The following MTO1 variants were observed in gnomAD, a reference collection of about 807,000 sequenced individuals.
MTO1 encodes mitochondrial tRNA translation optimization 1, also known as 5-taurinomethyluridine-[tRNA] synthase subunit MTO1, mitochondrial.
In MTO1, 46 loss-of-function variants were observed where a neutral mutation model predicts 71.6. That is an observed-to-expected ratio of 0.64 (90% confidence interval 0.51 to 0.82). The LOEUF is 0.82. MTO1 is among the 40% of genes least tolerant of loss of function. The pLI, the probability that MTO1 is intolerant of heterozygous loss-of-function variation, is 0.00. For synonymous variants in MTO1, 297 were observed against 312.1 expected (o/e 0.95, Z 0.51); for missense variants, 773 against 867.5 (o/e 0.89, Z 1.37).
chr6:73,498,320 T>G (rs547288288), intron 11 of MTO1, among the ~76,000 whole-genome samples: 1 of 151,860 alleles, frequency 6.6e-6, no homozygotes, highest in Admixed American at 6.6e-5. Context: ...TAACTGGAAG[T>G]CAAGAATTGG....
intron 1 of MTO1, 181 bp downstream of exon 1, chr6:73,462,252 T>G: frequency 4.6e-6 from 3 of 652,830 alleles, no homozygotes; most frequent in South Asian, 1.9e-5. Flanking sequence ...GAACTCTATA[T>G]TAGTCTATTC....
intron 4 of MTO1, among the ~76,000 whole-genome samples, chr6:73,476,500 A>G (rs544298388): frequency 6.6e-6 from 1 of 152,142 alleles, no homozygotes; most frequent in Non-Finnish European, 1.5e-5. Context: ...TTCTCAATGT[A>G]AGAGTTTTTT....
At chr6:73,500,107 C>G (rs966625460) in intron 11 of MTO1, among the ~76,000 whole-genome samples, 1 of 152,142 alleles carries the variant, frequency 6.6e-6, no homozygotes, top group Non-Finnish European at 1.5e-5. Flanking sequence ...TCAAGTGATC[C>G]TCCCACCTTT....
At chr6:73,482,937 G>A (rs186189492) in intron 9 of MTO1, among the ~76,000 whole-genome samples, 1,612 of 151,644 alleles carry the variant, frequency 0.011, 25 homozygotes, top group African/African-American at 0.037. Flanking sequence ...GACTACAGGC[G>A]CCTGCCACCG....
chr6:73,466,397 C>G lies in MTO1; in HGVS notation c.406C>G (p.Gln136Glu). The G allele has an allele frequency of 1.2e-6, 2 of 1,614,092 alleles. No homozygotes were observed. Among genetic ancestry groups the G allele is most frequent in the East Asian group, 4.5e-5 (2 of 44,892 alleles). Residue 136 changes from glutamine to glutamate, a missense_variant, in exon 2 of 12, where the codon CAG (glutamine) becomes GAG (glutamate). Physicochemically the swap from Gln to Glu is conservative, Grantham distance 29. Transcript: ENST00000498286. ...RAQIDRKLYK[Q>E]NMQKEILNTP... ...TCAGATTGATAGGAAACTCTATAAA[C>G]AGAACATGCAGGTAAGAATAGGGCA...
At position 73,464,868 on chromosome 6, in the gene MTO1, G is replaced by A. The variant is rs565459710; in HGVS notation, c.218-1341G>A. Reference sequence around the variant, plus strand: ...AAAAAAAAAAAAAAAAAAACTTTTGGAGGTCTTGATTCTTGATGTGGTGGC... The same window carrying A: ...AAAAAAAAAAAAAAAAAAACTTTTGAAGGTCTTGATTCTTGATGTGGTGGC... On this transcript the variant is annotated intron_variant, in intron 1 of 11. Transcript: ENST00000498286. Among the ~76,000 whole-genome samples, 9 of 146,100 alleles carry A rather than the reference G, an allele frequency of 6.2e-5. 1 individual carries two copies. In the East Asian group the frequency reaches 1.8e-3, roughly 29 times the overall value.
chr6:73,494,633 C>T (rs564665075), intron 10 of MTO1, among the ~76,000 whole-genome samples: 12 of 151,896 alleles, frequency 7.9e-5, no homozygotes, highest in Middle Eastern at 3.4e-3. Context: ...TGCACCACCA[C>T]GCCTGGCTAA....
chr6:73,497,296 G>T (rs1050756489), intron 10 of MTO1, among the ~76,000 whole-genome samples: 2 of 151,108 alleles, frequency 1.3e-5, no homozygotes, highest in Admixed American at 1.3e-4. Flanking sequence ...GGGATTACAG[G>T]TGGATGCCAC....
At chr6:73,494,516 G>T (rs62438384) in intron 10 of MTO1, among the ~76,000 whole-genome samples, 3 of 143,468 alleles carry the variant, frequency 2.1e-5, no homozygotes, top group African/African-American at 7.8e-5. Flanking sequence ...TCGCTTTGTC[G>T]CCCAGGCTGG....
intron 9 of MTO1, among the ~76,000 whole-genome samples, chr6:73,489,728 T>C (rs1246638393): frequency 1.3e-5 from 2 of 152,190 alleles, no homozygotes; most frequent in Non-Finnish European, 2.9e-5. Context: ...CTATTGTGAA[T>C]AGTGCCACAA....
At chr6:73,472,939 G>A (rs116686568) in intron 3 of MTO1, among the ~76,000 whole-genome samples, 1,608 of 152,288 alleles carry the variant, frequency 0.011, 25 homozygotes, top group African/African-American at 0.037. Flanking sequence ...TAGTTGTAAT[G>A]TAAAATAGTC....
At chr6:73,481,784 T>C (rs1334074475) in intron 7 of MTO1, among the ~76,000 whole-genome samples, 9 of 151,994 alleles carry the variant, frequency 5.9e-5, no homozygotes, top group Admixed American at 5.9e-4. Flanking sequence ...AAAAAAAGAT[T>C]AGTCCCCGCA....
At chr6:73,484,872 C>T (rs541355144) in intron 9 of MTO1, among the ~76,000 whole-genome samples, 1 of 151,940 alleles carries the variant, frequency 6.6e-6, no homozygotes, top group South Asian at 2.1e-4. Context: ...CATGGCAAAA[C>T]CCTGTCTCTA....
intron 9 of MTO1, among the ~76,000 whole-genome samples, chr6:73,489,513 C>T (rs1771748532): frequency 6.8e-6 from 1 of 147,504 alleles, no homozygotes; most frequent in Admixed American, 7.0e-5. Context: ...TCAATTCTGA[C>T]CTATGAGTGA....
Position 73,482,415 on chromosome 6 carries a change from A to G in MTO1, c.1466-34A>G, listed in dbSNP as rs140965477. ...CAAAAAAATTTGCTTTAAAAACCAC[A>G]CTTCTCATTATATTCTCTTTCTCCC... On this transcript the variant is annotated intron_variant, in intron 8 of 11. Coordinates refer to ENST00000498286, the MANE Select transcript of MTO1 (RefSeq NM_012123.4). The G allele has an allele frequency of 2.0e-3, 3,218 of 1,592,472 alleles. 53 individuals carry two copies. In the African/African-American group the frequency reaches 0.037, roughly 19 times the overall value.
At position 73,506,373 on chromosome 6, in the gene MTO1, G is replaced by T. The variant is rs1772287473; in HGVS notation, c.*5638G>T. On this transcript the variant is annotated 3_prime_UTR_variant, in exon 12 of 12. Coordinates refer to ENST00000498286, the MANE Select transcript of MTO1 (RefSeq NM_012123.4). Reference sequence around the variant, plus strand: ...GTATCTCTCAGAATTCCCACATGTTGTGGGAGGGACCCACAGGGAGGTAAT... The same window carrying T: ...GTATCTCTCAGAATTCCCACATGTTTTGGGAGGGACCCACAGGGAGGTAAT... 6.6e-6 allele frequency: 1 copy of T among 152,260 alleles called. No individual in the cohort carries two copies. The highest frequency in any genetic ancestry group is 2.4e-5 in the African/African-American group (1 of 41,444). 9.4% of individuals were successfully genotyped at this position (152,260 alleles called of 1,614,324 possible). A position where few individuals can be genotyped will look rare whatever the true frequency, so the allele number is the denominator to read the frequency against.
Position 73,507,102 on chromosome 6 carries a change from A to G in MTO1, c.*6367A>G, listed in dbSNP as rs1772310985. ...GCATCTGACAGTTATAACTGGCAGC[A>G]TTTGTGACTGAAAAACATCTTAGAT... On this transcript the variant is annotated 3_prime_UTR_variant, in exon 12 of 12. Coordinates refer to ENST00000498286, the MANE Select transcript of MTO1 (RefSeq NM_012123.4). 6.6e-6 allele frequency: 1 copy of G among 151,890 alleles called. No homozygotes were observed. The highest frequency in any genetic ancestry group is 1.5e-5 in the Non-Finnish European group (1 of 67,996). The allele number at this position is 151,890 out of a possible 1,614,324, so 9.4% of individuals were successfully genotyped here.
At chr6:73,475,446 C>T (rs1771284988) in intron 4 of MTO1, among the ~76,000 whole-genome samples, 1 of 151,242 alleles carries the variant, frequency 6.6e-6, no homozygotes, top group South Asian at 2.1e-4. Context: ...CCATGCCCAG[C>T]TAATTTGTTT....
chr6:73,489,571 T>A (rs1054558645), intron 9 of MTO1, among the ~76,000 whole-genome samples: 1 of 151,976 alleles, frequency 6.6e-6, no homozygotes, highest in Non-Finnish European at 1.5e-5. Context: ...TTGCTCAGAA[T>A]GATGGTTTCC....
Sources: gnomAD v4.1 joint callset for allele counts (sites outside exome capture counted in the v4.1 genomes callset) on GRCh38, gnomAD v4.1.1 for gene constraint, MANE v1.5 for transcripts, NCBI Gene and HGNC (gene_info 2026-07-23, HGNC 2026-07-21) for gene names.